The following RP1 variants were observed in gnomAD, a reference collection of about 807,000 sequenced individuals.
The protein encoded by RP1 is oxygen-regulated protein 1.
RP1 carries 16 observed loss-of-function variants against 14.8 expected under a neutral mutation model. The observed-to-expected ratio is 1.08, with a 90% CI of 0.73 to 1.65. The LOEUF (loss-of-function observed/expected upper bound fraction) is 1.65, where lower values mean the gene tolerates loss of function less well. Among genes scored for constraint, RP1 ranks in the 40% most tolerant of loss-of-function variants. RP1 has a pLI of 0.00. For missense variants in RP1, 2,631 were observed against 2,535.0 expected, an observed-to-expected ratio of 1.04 and a Z score of -0.81; for synonymous variants, 876 against 883.6, an observed-to-expected ratio of 0.99 and a Z score of 0.15.
intron 1 of RP1, chr8:54,560,233 A>G (rs1804255218): frequency 6.6e-6 from 1 of 152,088 alleles, no homozygotes; most frequent in African/African-American, 2.4e-5. Context: ...GGGATGGGGA[A>G]GTTGGGTGAG....
intron 12 of RP1, among the ~76,000 whole-genome samples, chr8:54,691,031 A>G (rs1325028451): frequency 6.6e-6 from 1 of 152,076 alleles, no homozygotes; most frequent in Admixed American, 6.6e-5. Context: ...GAGAAGTTGC[A>G]TGTCCAAAAT....
At chr8:54,733,167 T>G (rs1808832679) in intron 17 of RP1, among the ~76,000 whole-genome samples, 1 of 152,192 alleles carries the variant, frequency 6.6e-6, no homozygotes, top group South Asian at 2.1e-4. Flanking sequence ...TGCGTTGCAG[T>G]TAAACATCCC....
chr8:54,721,738 A>G (rs550966074), intron 16 of RP1, among the ~76,000 whole-genome samples: 86 of 152,340 alleles, frequency 5.6e-4, no homozygotes, highest in African/African-American at 2.0e-3. Flanking sequence ...CTGCTTTAAC[A>G]AGGGCAAGAA....
intron 6 of RP1, among the ~76,000 whole-genome samples, chr8:54,659,814 G>T (rs1327967748): frequency 6.6e-6 from 1 of 152,148 alleles, no homozygotes; most frequent in Non-Finnish European, 1.5e-5. Context: ...TTTGGGTAAG[G>T]TAGACATTTT....
At chr8:54,745,127 C>G (rs922915670) in intron 19 of RP1, among the ~76,000 whole-genome samples, 1 of 152,170 alleles carries the variant, frequency 6.6e-6, no homozygotes, top group African/African-American at 2.4e-5. Context: ...AGATGCAGTT[C>G]TTGTCTTCAA....
At chr8:54,633,813 T>G (rs1301709975), downstream of RP1, among the ~76,000 whole-genome samples, 1 of 150,150 alleles carries the variant, frequency 6.7e-6, no homozygotes, top group Admixed American at 6.7e-5. Flanking sequence ...AAAGTGAAGG[T>G]GACAAACAGT....
Position 54,630,694 on chromosome 8 carries a change from G to C in RP1, c.*341G>C. 1.8e-6 allele frequency: 2 copies of C among 1,096,978 alleles called. No individual in the cohort carries two copies. Among genetic ancestry groups the C allele is most frequent in the Non-Finnish European group, 2.2e-6 (2 of 900,106 alleles). The allele number at this position is 1,096,978 out of a possible 1,614,324, so 68.0% of individuals were successfully genotyped here. A position where few individuals can be genotyped will look rare whatever the true frequency, so the allele number is the denominator to read the frequency against. ...ATATCCTTTTTAAAAAATGTTGTTA[G>C]CTTGGTGTAAAATGTATATTGACTG... On this transcript the variant is annotated 3_prime_UTR_variant, in exon 4 of 4. Transcript: ENST00000220676.
intron 24 of RP1, among the ~76,000 whole-genome samples, chr8:54,814,103 C>T (rs561584011): frequency 3.9e-5 from 6 of 152,246 alleles, no homozygotes; most frequent in Middle Eastern, 3.4e-3. Context: ...ACAAACAGGC[C>T]TATTGTTCTT....
chr8:54,754,896 G>A, exon 20 of RP1: 1 of 1,528,014 alleles, frequency 6.5e-7, no homozygotes, highest in Non-Finnish European at 8.7e-7. Context: ...TGTTGTCTGT[G>A]AGCTTCCTGT....
chr8:54,571,755 A>T (rs1014712875), intron 1 of RP1, among the ~76,000 whole-genome samples: 8 of 152,056 alleles, frequency 5.3e-5, no homozygotes, highest in Non-Finnish European at 8.8e-5. Flanking sequence ...GTGAGGGAGG[A>T]TCTGTCCAGG....
intron 11 of RP1, chr8:54,679,784 T>C: frequency 6.5e-7 from 1 of 1,534,416 alleles, no homozygotes; most frequent in Non-Finnish European, 8.7e-7. Flanking sequence ...TCATTTGTTT[T>C]GCTTTGTTTT....
intron 12 of RP1, among the ~76,000 whole-genome samples, chr8:54,681,481 T>TC (rs1491418140): frequency 2.5e-5 from 3 of 121,312 alleles, no homozygotes; most frequent in Non-Finnish European, 5.2e-5. Context: ...TATTTTTTGA[T>TC]TTGTGTGTGT....
At chr8:54,635,839 G>T (rs551915747) in intron 3 of RP1, among the ~76,000 whole-genome samples, 4 of 152,044 alleles carry the variant, frequency 2.6e-5, no homozygotes, top group Non-Finnish European at 4.4e-5. Context: ...CTTTAAATTA[G>T]CCCATCTACA....
chr8:54,700,525 G>A (rs1807988863), intron 13 of RP1, among the ~76,000 whole-genome samples: 1 of 152,080 alleles, frequency 6.6e-6, no homozygotes, highest in Admixed American at 6.6e-5. Flanking sequence ...ACCCTACACT[G>A]TAGTTCATAG....
chr8:54,596,044 C>T (rs544708541), intron 1 of RP1, among the ~76,000 whole-genome samples: 2 of 152,274 alleles, frequency 1.3e-5, no homozygotes, highest in African/African-American at 4.8e-5. Context: ...GATAATGATA[C>T]ATTGTAATTT....
At chr8:54,641,873 C>T (rs1004204599) in intron 3 of RP1, among the ~76,000 whole-genome samples, 3 of 152,156 alleles carry the variant, frequency 2.0e-5, no homozygotes, top group African/African-American at 7.2e-5. Context: ...GAAAGTTTAA[C>T]TTATCTAAAA....
chr8:54,630,659 G>T lies in RP1; in HGVS notation c.*306G>T. Reference sequence around the variant, plus strand: ...GCTCAGGGCATCAAAATGTGCTAAGGACAAGAATTATATCCTTTTTAAAAA... The same window carrying T: ...GCTCAGGGCATCAAAATGTGCTAAGTACAAGAATTATATCCTTTTTAAAAA... On this transcript the variant is annotated 3_prime_UTR_variant, in exon 4 of 4. Coordinates refer to ENST00000220676, the MANE Select transcript of RP1 (RefSeq NM_006269.2). 1 of 1,155,634 alleles carries T rather than the reference G, an allele frequency of 8.7e-7. No individual in the cohort carries two copies. The highest frequency in any genetic ancestry group is 1.1e-6 in the Non-Finnish European group (1 of 936,010). The allele number at this position is 1,155,634 out of a possible 1,614,324, so 71.6% of individuals were successfully genotyped here.
rs983704934 is a variant in RP1 at position 54,630,279 on chromosome 8, C to A, written c.6397C>A (p.Leu2133Ile). 1 of 1,613,592 alleles carries A rather than the reference C, an allele frequency of 6.2e-7. No homozygotes were observed. The highest frequency in any genetic ancestry group is 8.5e-7 in the Non-Finnish European group (1 of 1,179,764). Residue 2133 changes from leucine to isoleucine, a missense_variant, in exon 4 of 4, where the codon CTT becomes ATT. Physicochemically the swap from Leu to Ile is conservative, Grantham distance 5 (BLOSUM62 2). Transcript: ENST00000220676. ...LELCMFEGEN[L>I]FIWEEEDILN... The stretch of plus-strand genomic sequence containing the variant: ...ACTTTGTATGTTTGAGGGTGAAAAT[C>A]TTTTCATTTGGGAAGAGGAAGACAT...
chr8:54,785,595 G>A (rs1296132782), intron 24 of RP1, among the ~76,000 whole-genome samples: 3 of 151,946 alleles, frequency 2.0e-5, no homozygotes, highest in Non-Finnish European at 4.4e-5. Context: ...TTAACACTTT[G>A]AGGAACTGCC....
Sources: allele counts gnomAD v4.1 joint callset (sites outside exome capture counted in the v4.1 genomes callset), GRCh38; gene constraint gnomAD v4.1.1; transcripts MANE v1.5; gene names NCBI Gene and HGNC (gene_info 2026-07-23, HGNC 2026-07-21).